GOLGA1: variants seen among roughly 807,000 people sequenced by gnomAD.
GOLGA1 encodes golgin A1.
Under a neutral mutation model 119.7 loss-of-function variants are expected in GOLGA1, and 63 were observed. That is an observed-to-expected ratio of 0.53 (90% CI 0.43 to 0.65). The LOEUF is 0.65. Among genes scored for constraint, GOLGA1 ranks in the 30% least tolerant of loss-of-function variants. GOLGA1 has a pLI of 0.00. For missense variants in GOLGA1, 798 were observed against 912.8 expected, an observed-to-expected ratio of 0.87 and a Z score of 1.62; for synonymous variants, 318 against 333.4, an observed-to-expected ratio of 0.95 and a Z score of 0.50.
intron 12 of GOLGA1, among the ~76,000 whole-genome samples, chr9:124,903,867 G>A (rs964737377): frequency 6.6e-6 from 1 of 152,026 alleles, no homozygotes; most frequent in Non-Finnish European, 1.5e-5. Context: ...TGGTCAACAT[G>A]GTGAAACCCC....
chr9:124,906,476 G>A (rs535205107), intron 12 of GOLGA1, among the ~76,000 whole-genome samples: 10 of 150,554 alleles, frequency 6.6e-5, no homozygotes, highest in Admixed American at 4.7e-4. Context: ...CAGGCCGGGC[G>A]CGGTGGCTCA....
intron 15 of GOLGA1, among the ~76,000 whole-genome samples, chr9:124,897,246 A>G (rs1830003450): frequency 1.3e-5 from 2 of 152,138 alleles, no homozygotes; most frequent in Non-Finnish European, 2.9e-5. Flanking sequence ...TATTTTCTTC[A>G]TAGCATTTAT....
At chr9:124,938,189 C>T (rs1830916494) in intron 3 of GOLGA1, among the ~76,000 whole-genome samples, 1 of 152,148 alleles carries the variant, frequency 6.6e-6, no homozygotes. Context: ...CTTGCTAACC[C>T]CATACCACAA....
In GOLGA1 at chr9:124,922,955, ACAAATATGATTAATAT is replaced by A. The variant is rs1830599743; in HGVS notation, c.561+124_561+139del. ...TCTATTTTAATAAATTTAAAAACAT[ACAAATATGATTAATAT>A]CAAATATGATTAATATCACATATTA... On this transcript the variant is annotated intron_variant, in intron 8 of 22. Coordinates refer to ENST00000373555, the MANE Select transcript of GOLGA1 (RefSeq NM_002077.4). 6 of 536,974 alleles carry A rather than the reference ACAAATATGATTAATAT, an allele frequency of 1.1e-5. No homozygotes were observed. The Admixed American group carries it at 1.1e-4, about 10-fold the overall frequency. 33.3% of individuals were successfully genotyped at this position (536,974 alleles called of 1,614,324 possible).
intron 7 of GOLGA1, among the ~76,000 whole-genome samples, chr9:124,923,881 A>G (rs574320004): frequency 6.6e-6 from 1 of 152,274 alleles, no homozygotes; most frequent in African/African-American, 2.4e-5. Context: ...TTTGACACAG[A>G]GTCTCACTCT....
At chr9:124,917,371 A>G (rs1775758610) in intron 10 of GOLGA1, among the ~76,000 whole-genome samples, 1 of 152,192 alleles carries the variant, frequency 6.6e-6, no homozygotes, top group Non-Finnish European at 1.5e-5. Flanking sequence ...AGAAAAAAAC[A>G]AATTCCAAAT....
At chr9:124,923,786 T>C (rs558084933) in intron 7 of GOLGA1, among the ~76,000 whole-genome samples, 1 of 152,294 alleles carries the variant, frequency 6.6e-6, no homozygotes, top group Non-Finnish European at 1.5e-5. Flanking sequence ...GCATGGCCTA[T>C]GTAGAACTTT....
chr9:124,894,924 C>T (rs1005754257), intron 15 of GOLGA1, among the ~76,000 whole-genome samples: 14 of 151,936 alleles, frequency 9.2e-5, no homozygotes, highest in African/African-American at 3.1e-4. Context: ...GAACCATCCA[C>T]AACAGAGACC....
At chr9:124,923,536 A>G (rs1031399180) in intron 7 of GOLGA1, among the ~76,000 whole-genome samples, 1 of 152,204 alleles carries the variant, frequency 6.6e-6, no homozygotes, top group African/African-American at 2.4e-5. Flanking sequence ...ATATGGCATT[A>G]TTTACAAATT....
At chr9:124,907,031 A>C (rs1228463158) in intron 12 of GOLGA1, among the ~76,000 whole-genome samples, 1 of 152,220 alleles carries the variant, frequency 6.6e-6, no homozygotes, top group Non-Finnish European at 1.5e-5. Context: ...TAAAAATTTT[A>C]AAGGCCCATA....
chr9:124,923,121 G>C lies in GOLGA1; in HGVS notation c.535C>G (p.Gln179Glu), dbSNP rs1425900170. The change falls in exon 8 of 23, where the codon CAG becomes GAG. Residue 179 changes from glutamine to glutamate, a missense_variant. By Grantham distance (29) the Gln-to-Glu change is conservative. Coordinates refer to ENST00000373555, the MANE Select transcript of GOLGA1 (RefSeq NM_002077.4). ...EMDELEGFQQ[Q>E]ELSKIKHMLL... ...ATGTGCTTTATTTTACTTAGTTCCT[G>C]CTGCTGGAACCCCTCTAATTCATCC... is the stretch of plus-strand genomic sequence containing the variant. 7 of 1,608,730 alleles carry C rather than the reference G, an allele frequency of 4.4e-6. No homozygotes were observed. Among genetic ancestry groups the C allele is most frequent in the Non-Finnish European group, 5.1e-6 (6 of 1,176,934 alleles).
chr9:124,911,874 A>G lies in GOLGA1; in HGVS notation c.969+27T>C, dbSNP rs758637581. On this transcript the variant is annotated intron_variant, in intron 11 of 22. Coordinates refer to ENST00000373555, the MANE Select transcript of GOLGA1 (RefSeq NM_002077.4). The stretch of plus-strand genomic sequence containing the variant: ...GAATCAACCCTGCCTTTCCAACACC[A>G]GCCAGCCCAAAGAGAACAGAAGTTA... The G allele has an allele frequency of 4.0e-5, 64 of 1,604,180 alleles. 1 individual carries two copies. In the South Asian group the frequency reaches 6.8e-4, roughly 17 times the overall value.
intron 12 of GOLGA1, among the ~76,000 whole-genome samples, chr9:124,907,851 G>A (rs1830264212): frequency 6.6e-6 from 1 of 152,208 alleles, no homozygotes; most frequent in Non-Finnish European, 1.5e-5. Context: ...ATGCATGCTG[G>A]AGGAGGAGAG....
intron 7 of GOLGA1, among the ~76,000 whole-genome samples, chr9:124,923,648 G>A (rs1018816422): frequency 4.0e-5 from 6 of 150,824 alleles, no homozygotes; most frequent in South Asian, 2.1e-4. Flanking sequence ...CAACAATTAC[G>A]TAGAACTTTT....
At chr9:124,920,961 G>T (rs981308821) in intron 10 of GOLGA1, among the ~76,000 whole-genome samples, 168 bp downstream of exon 10, 3 of 152,102 alleles carry the variant, frequency 2.0e-5, no homozygotes, top group African/African-American at 7.2e-5. Context: ...CCCTTGTTCA[G>T]CTGTATGGCC....
intron 15 of GOLGA1, among the ~76,000 whole-genome samples, chr9:124,894,729 C>G (rs1829925360): frequency 6.6e-6 from 1 of 152,206 alleles, no homozygotes; most frequent in Non-Finnish European, 1.5e-5. Flanking sequence ...TCTCTGCCAG[C>G]AGTGCTTTTG....
chr9:124,924,789 T>C (rs544813397), intron 7 of GOLGA1, among the ~76,000 whole-genome samples: 36 of 151,144 alleles, frequency 2.4e-4, no homozygotes, highest in African/African-American at 8.2e-4. Context: ...TACTATTTCC[T>C]ACTCTAGAAA....
chr9:124,930,898 C>A (rs984368086), intron 4 of GOLGA1, among the ~76,000 whole-genome samples: 1 of 152,170 alleles, frequency 6.6e-6, no homozygotes, highest in Non-Finnish European at 1.5e-5. Context: ...ACAACACTTA[C>A]ACAGGTGGTA....
At chr9:124,911,086 T>C (rs539818812) in intron 11 of GOLGA1, among the ~76,000 whole-genome samples, 6 of 152,160 alleles carry the variant, frequency 3.9e-5, no homozygotes, top group Non-Finnish European at 8.8e-5. Context: ...TTGAAGGGAA[T>C]TGTAGAAGAT....
Sources: gnomAD v4.1 joint callset for allele counts (sites outside exome capture counted in the v4.1 genomes callset) on GRCh38, gnomAD v4.1.1 for gene constraint, MANE v1.5 for transcripts, NCBI Gene and HGNC (gene_info 2026-07-23, HGNC 2026-07-21) for gene names.